TPO: variants seen among roughly 807,000 people sequenced by gnomAD.
The protein encoded by TPO is thyroid peroxidase.
In TPO, 78 loss-of-function variants were observed where a neutral mutation model predicts 96.9. That is an observed-to-expected ratio of 0.81 (90% CI 0.67 to 0.97). The LOEUF is 0.97. TPO is among the 50% of genes least tolerant of loss of function. The pLI is 0.00. For synonymous variants in TPO, 547 were observed against 538.0 expected (o/e 1.02, Z -0.23); for missense variants, 1,252 against 1,274.8 (o/e 0.98, Z 0.27).
intron 14 of TPO, among the ~76,000 whole-genome samples, chr2:1,507,261 G>C (rs1673566400): frequency 6.6e-6 from 1 of 152,194 alleles, no homozygotes; most frequent in Non-Finnish European, 1.5e-5. Context: ...TTTGGTACCA[G>C]TACCATGCTG....
At chr2:1,456,375 G>T in intron 7 of TPO, 93 bp downstream of exon 7, 1 of 1,365,816 alleles carries the variant, frequency 7.3e-7, no homozygotes, top group Non-Finnish European at 1.0e-6. Flanking sequence ...GTGAAAGTCT[G>T]TTTCTTTGTC....
chr2:1,383,437 A>C (rs961761545), intron 1 of TPO, among the ~76,000 whole-genome samples: 2 of 152,216 alleles, frequency 1.3e-5, no homozygotes, highest in African/African-American at 4.8e-5. Context: ...GAGAGATGAT[A>C]TCTCATTGTG....
At chr2:1,534,368 A>C in intron 15 of TPO, among the ~76,000 whole-genome samples, 1 of 137,124 alleles carries the variant, frequency 7.3e-6, no homozygotes, top group African/African-American at 2.8e-5. Flanking sequence ...AACTGTGTTC[A>C]ACCTCCCCAA....
At chr2:1,455,192 C>T (rs11691841) in intron 6 of TPO, among the ~76,000 whole-genome samples, 82,472 of 152,068 alleles carry the variant, frequency 0.54, 22,639 homozygotes, top group East Asian at 0.77. Flanking sequence ...ATTGGACACT[C>T]GTGGAGACCC....
At chr2:1,455,971 C>A in intron 6 of TPO, 105 bp from the exon 7 acceptor site, 2 of 1,156,748 alleles carry the variant, frequency 1.7e-6, no homozygotes, top group Non-Finnish European at 2.5e-6. Context: ...GCACCTGGAG[C>A]TCTGTGAACA....
At chr2:1,438,463 CT>C (rs1440786018) in intron 5 of TPO, among the ~76,000 whole-genome samples, 3 of 152,132 alleles carry the variant, frequency 2.0e-5, no homozygotes, top group Non-Finnish European at 4.4e-5. Context: ...GACCTCCTAA[CT>C]TTTTTCCATT....
chr2:1,420,218 A>T (rs1257307869), intron 2 of TPO, among the ~76,000 whole-genome samples: 1 of 152,242 alleles, frequency 6.6e-6, no homozygotes, highest in Non-Finnish European at 1.5e-5. Context: ...GAATAACAAT[A>T]TATTAATATT....
At chr2:1,422,002 C>T (rs1241678825) in intron 2 of TPO, among the ~76,000 whole-genome samples, 1 of 152,222 alleles carries the variant, frequency 6.6e-6, no homozygotes, top group African/African-American at 2.4e-5. Context: ...TCCCTCCTGC[C>T]CTTGCCCCAG....
At chr2:1,453,895 T>C (rs1667549114) in intron 6 of TPO, 72 bp downstream of exon 6, 1 of 1,607,334 alleles carries the variant, frequency 6.2e-7, no homozygotes, top group African/African-American at 1.3e-5. Flanking sequence ...AAATAGCCTT[T>C]TACTGGGTTC....
intron 8 of TPO, chr2:1,478,192 C>T: frequency 1.0e-6 from 1 of 985,404 alleles, no homozygotes; most frequent in Non-Finnish European, 1.2e-6. Flanking sequence ...ATGAGAGGGT[C>T]TTGAATGGAG....
chr2:1,532,298 A>C (rs1424778353), intron 15 of TPO, among the ~76,000 whole-genome samples: 1 of 31,260 alleles, frequency 3.2e-5, no homozygotes, highest in Non-Finnish European at 5.9e-5. Context: ...ACTGTGTGCA[A>C]CCCCCACAAA....
At chr2:1,427,893 G>C (rs1353000358) in intron 3 of TPO, among the ~76,000 whole-genome samples, 1 of 152,280 alleles carries the variant, frequency 6.6e-6, no homozygotes, top group South Asian at 2.1e-4. Flanking sequence ...ATTTGAGTCT[G>C]TTTACTGTTC....
At position 1,537,857 on chromosome 2, in the gene TPO, TCTCAAATCCCCCCCACTGTGTGCAACCTC is replaced by T. The variant is rs1260348093; in HGVS notation, c.2619-2725_2619-2697del. On this transcript the variant is annotated intron_variant, in intron 15 of 16. Coordinates refer to ENST00000329066, the MANE Select transcript of TPO (RefSeq NM_001206744.2). ...CCTCAAATCCCCCCACTGTGTGCAA[TCTCAAATCCCCCCCACTGTGTGCAACCTC>T]CTCAAATCCCCACCACTCTGTGCAA... Among the ~76,000 whole-genome samples the T allele has an allele frequency of 6.8e-4, 12 of 17,692 alleles. No homozygotes were observed. The South Asian group carries it at 0.013, about 19-fold the overall frequency. 11.6% of individuals were successfully genotyped at this position (17,692 alleles called of 152,430 possible). A position where few individuals can be genotyped will look rare whatever the true frequency, so the allele number is the denominator to read the frequency against.
chr2:1,420,633 G>A (rs1663417891), intron 2 of TPO, among the ~76,000 whole-genome samples: 1 of 152,168 alleles, frequency 6.6e-6, no homozygotes, highest in African/African-American at 2.4e-5. Context: ...AGGAAGACCT[G>A]CACGCAATTC....
At chr2:1,509,272 T>C (rs951419879) in intron 14 of TPO, among the ~76,000 whole-genome samples, 1 of 152,172 alleles carries the variant, frequency 6.6e-6, no homozygotes, top group Non-Finnish European at 1.5e-5. Flanking sequence ...TTCTGTTCTT[T>C]TACATCTGCT....
At position 1,495,986 on chromosome 2, in the gene TPO, G is replaced by C. The variant is rs1228746353; in HGVS notation, c.2007-3G>C. 6.2e-7 allele frequency: 1 copy of C among 1,612,142 alleles called. No individual in the cohort carries two copies. The highest frequency in any genetic ancestry group is 8.5e-7 in the Non-Finnish European group (1 of 1,179,862). ...ACCTTACTCACTGTCTCCTTCTCTG[G>C]AGGTTTTGGTGGGAGAACAGCCACG... On this transcript the variant is annotated splice_region_variant and splice_polypyrimidine_tract_variant and intron_variant, in intron 11 of 16. Transcript: ENST00000329066.
At chr2:1,419,857 C>T (rs576980904) in intron 2 of TPO, among the ~76,000 whole-genome samples, 8 of 152,308 alleles carry the variant, frequency 5.3e-5, no homozygotes, top group African/African-American at 1.4e-4. Flanking sequence ...GAGTTTTCCT[C>T]CTGTGACTCT....
Position 1,504,049 on chromosome 2 carries a change from G to C in TPO, c.2488G>C (p.Glu830Gln), listed in dbSNP as rs145974595. Reference protein sequence around the residue: ...GFQCLCADPYELGDDGRTCVD... With the variant: ...GFQCLCADPYQLGDDGRTCVD... ...CCAGTGTCTCTGCGCGGACCCCTAC[G>C]AGTTAGGAGACGATGGGAGAACCTG... The change falls in exon 14 of 17, where the codon GAG becomes CAG. Residue 830 changes from glutamate to glutamine, a missense_variant. Glu to Gln is a conservative substitution (Grantham distance 29). Transcript: ENST00000329066. 6.2e-7 allele frequency: 1 copy of C among 1,614,194 alleles called. No individual in the cohort carries two copies. Among genetic ancestry groups the C allele is most frequent in the Non-Finnish European group, 8.5e-7 (1 of 1,180,046 alleles).
At chr2:1,537,467 T>A (rs1558441329) in intron 15 of TPO, among the ~76,000 whole-genome samples, 1 of 135,454 alleles carries the variant, frequency 7.4e-6, no homozygotes, top group Non-Finnish European at 1.6e-5. Context: ...GTGTGCAACC[T>A]CCTCAAATTC....
Sources: gnomAD v4.1 joint callset for allele counts (sites outside exome capture counted in the v4.1 genomes callset) on GRCh38, gnomAD v4.1.1 for gene constraint, MANE v1.5 for transcripts, NCBI Gene and HGNC (gene_info 2026-07-23, HGNC 2026-07-21) for gene names.